NPHP4: variants seen among roughly 807,000 people sequenced by gnomAD.
NPHP4 encodes the protein nephrocystin 4.
A neutral mutation model predicts 155.8 loss-of-function variants in NPHP4; 151 were observed. The observed-to-expected ratio is 0.97, with a 90% CI of 0.85 to 1.11. NPHP4 has a LOEUF of 1.11. Ranked by LOEUF, NPHP4 falls within the 50% of genes least tolerant of loss-of-function variation. NPHP4 has a pLI of 0.00. For missense variants in NPHP4, 1,956 were observed against 1,925.7 expected (o/e 1.02, Z -0.29); for synonymous variants, 845 against 816.8 (o/e 1.03, Z -0.59).
intron 5 of NPHP4, among the ~76,000 whole-genome samples, chr1:5,964,920 T>TATATATATATATATA: frequency 1.6e-5 from 1 of 63,530 alleles, no homozygotes; most frequent in Non-Finnish European, 2.8e-5. Flanking sequence ...ATATATATTA[T>TATATATATATATATA]ATATATATAT....
chr1:5,948,270 G>C lies in NPHP4; in HGVS notation c.811-19C>G. ...CACATCCCTGGAAGAGGCACAGAAG[G>C]AATGAGCCCCGGCACAGACGGAAAG... is the stretch of plus-strand genomic sequence containing the variant. On this transcript the variant is annotated intron_variant, in intron 7 of 29. Coordinates refer to ENST00000378156, the MANE Select transcript of NPHP4 (RefSeq NM_015102.5). 1 of 1,532,664 alleles carries C rather than the reference G, an allele frequency of 6.5e-7. No individual in the cohort carries two copies. The highest frequency in any genetic ancestry group is 2.0e-5 in the Admixed American group (1 of 50,550). The allele number at this position is 1,532,664 out of a possible 1,614,324, so 94.9% of individuals were successfully genotyped here.
chr1:5,887,466 G>A lies in NPHP4; in HGVS notation c.2305C>T (p.His769Tyr). Residue 769 changes from histidine (H) to tyrosine (Y), a missense_variant and splice_region_variant, in exon 18 of 30, where the codon CAT becomes TAT. His to Tyr is a moderately conservative substitution (Grantham distance 83, BLOSUM62 2). Transcript: ENST00000378156. ...LIGSAAVQMK[H>Y]LLRQGRPAVQ... ...GCCGGCCGGCCTTGGCGGAGGAGAT[G>A]CTGCAGAAGAGAAAAGCGCGTTCAG... 6.2e-7 allele frequency: 1 copy of A among 1,612,918 alleles called. No individual in the cohort carries two copies. Among genetic ancestry groups the A allele is most frequent in the East Asian group, 2.2e-5 (1 of 44,872 alleles).
At chr1:5,942,583 A>T (rs34466411) in intron 9 of NPHP4, among the ~76,000 whole-genome samples, 13,386 of 117,536 alleles carry the variant, frequency 0.11, 999 homozygotes, top group Non-Finnish European at 0.16. Context: ...AAAATCATAA[A>T]TGACAAAAAA....
At position 5,882,692 on chromosome 1, in the gene NPHP4, G is replaced by A. The variant is rs987086010; in HGVS notation, c.2486-2453C>T. On this transcript the variant is annotated intron_variant, in intron 18 of 29. Transcript: ENST00000378156. This position sits in a 1 kb window ranked among gnomAD's most constrained non-coding sequence, Gnocchi z 5.1. ...TCCTGGGAACGAGCACCTAGAACAA[G>A]GGCTATTTCGGTCCTCTCCCTGTTG... is the stretch of plus-strand genomic sequence containing the variant. 5 of 152,668 alleles carry A rather than the reference G, an allele frequency of 3.3e-5. No individual in the cohort carries two copies. Among genetic ancestry groups the A allele is most frequent in the African/African-American group, 1.2e-4 (5 of 41,458 alleles). 9.5% of individuals were successfully genotyped at this position (152,668 alleles called of 1,614,324 possible).
chr1:5,875,050 G>A lies in NPHP4; in HGVS notation c.2868C>T (p.Ala956=), dbSNP rs138025088. 1,620 of 1,608,364 alleles carry A rather than the reference G, an allele frequency of 1.0e-3. 26 individuals carry two copies. The East Asian group carries it at 0.031, about 31-fold the overall frequency. ...TQHLRDLQVI[A]AYRERTKAES... ...CGGCCTTCGTGCGTTCCCGGTAGGC[G>A]GCGATGACCTGTAGGTCCCGCAAGT... The change falls in exon 21 of 30, where the codon GCC becomes GCT. Residue 956 remains alanine (A), a synonymous_variant. Coordinates refer to ENST00000378156, the MANE Select transcript of NPHP4 (RefSeq NM_015102.5).
At chr1:5,988,638 G>A (rs1477025772) in intron 1 of NPHP4, among the ~76,000 whole-genome samples, 1 of 152,206 alleles carries the variant, frequency 6.6e-6, no homozygotes, top group Non-Finnish European at 1.5e-5. Flanking sequence ...AGGGTAAAGG[G>A]ATCTGAGACC....
rs746442303 is a variant in NPHP4 at position 5,905,674 on chromosome 1, G to A, written c.1721C>T (p.Thr574Met). ...CACAACAATAGGGGCATGCAAAGGC[G>A]TGAACGGCAGCTCCTGTAACTGTTC... ...IAEQLQELPF[T>M]PLHAPIVVGT... Residue 574 changes from threonine (T) to methionine (M), a missense_variant, in exon 14 of 30, where the codon ACG (threonine) becomes ATG (methionine). Thr to Met is a moderately conservative substitution (Grantham distance 81). Transcript: ENST00000378156. This position sits in a 1 kb window ranked among gnomAD's most constrained non-coding sequence, Gnocchi z 4.0. The A allele has an allele frequency of 4.8e-5, 78 of 1,613,816 alleles. No individual in the cohort carries two copies. Among genetic ancestry groups the A allele is most frequent in the South Asian group, 1.8e-4 (16 of 91,044 alleles).
rs761322774 is a variant in NPHP4 at position 5,863,941 on chromosome 1, G to C, written c.4089C>G (p.His1363Gln). 1 of 1,613,760 alleles carries C rather than the reference G, an allele frequency of 6.2e-7. No individual in the cohort carries two copies. Among genetic ancestry groups the C allele is most frequent in the African/African-American group, 1.3e-5 (1 of 74,902 alleles). Residue 1363 changes from histidine (H) to glutamine (Q), a missense_variant, in exon 29 of 30, where the codon CAC becomes CAG. His to Gln is a conservative substitution (Grantham distance 24). Coordinates refer to ENST00000378156, the MANE Select transcript of NPHP4 (RefSeq NM_015102.5). Reference sequence around the variant, plus strand: ...GCAGCTCCGGGTGGTCGCTGTGCAGGTGGAATGTCCTCCGGGAGGGGTAGG... The same window carrying C: ...GCAGCTCCGGGTGGTCGCTGTGCAGCTGGAATGTCCTCCGGGAGGGGTAGG... Reference protein sequence around the residue: ...TNPYPSRRTFHLHSDHPELLR... With the variant: ...TNPYPSRRTFQLHSDHPELLR...
chr1:5,862,925 CA>C lies in NPHP4; in HGVS notation c.*339del, dbSNP rs566495340. ...TTTGTACAAAATCCAGTAAGAAAAA[CA>C]TAATTTTCTCATTTAGGATGATTCA... On this transcript the variant is annotated 3_prime_UTR_variant, in exon 30 of 30. Coordinates refer to ENST00000378156, the MANE Select transcript of NPHP4 (RefSeq NM_015102.5). The C allele has an allele frequency of 6.6e-4, 197 of 298,152 alleles. No homozygotes were observed. Among genetic ancestry groups the C allele is most frequent in the Non-Finnish European group, 1.0e-3 (164 of 156,580 alleles). 18.5% of individuals were successfully genotyped at this position (298,152 alleles called of 1,614,324 possible). A position where few individuals can be genotyped will look rare whatever the true frequency, so the allele number is the denominator to read the frequency against.
chr1:5,964,393 C>T (rs1274077561), intron 5 of NPHP4, among the ~76,000 whole-genome samples: 1 of 152,154 alleles, frequency 6.6e-6, no homozygotes, highest in Non-Finnish European at 1.5e-5. Flanking sequence ...GACCAAATAC[C>T]AGAGAGAGAT....
Position 5,863,354 on chromosome 1 carries a change from T to C in NPHP4, c.4192A>G (p.Arg1398Gly). The C allele has an allele frequency of 6.2e-7, 1 of 1,614,022 alleles. No individual in the cohort carries two copies. Among genetic ancestry groups the C allele is most frequent in the South Asian group, 1.1e-5 (1 of 91,080 alleles). ...TIGLQFAPSQ[R>G]VGEEEILIYI... The stretch of plus-strand genomic sequence containing the variant: ...ATCAGGATCTCCTCCTCACCCACTC[T>C]CTGACTAGGCGCAAACTGCAAGCCG... Residue 1398 changes from arginine to glycine, a missense_variant, in exon 30 of 30, where the codon AGA becomes GGA. Arg to Gly is a moderately radical substitution (Grantham distance 125, BLOSUM62 -2). Transcript: ENST00000378156.
chr1:5,873,670 G>C (rs1642240437), intron 22 of NPHP4: 1 of 415,758 alleles, frequency 2.4e-6, no homozygotes, highest in Non-Finnish European at 4.3e-6. Flanking sequence ...CTTAAGCGAT[G>C]ACCACCACCC....
At chr1:5,973,197 C>CTTTT (rs1017487682) in intron 3 of NPHP4, among the ~76,000 whole-genome samples, 3 of 152,208 alleles carry the variant, frequency 2.0e-5, no homozygotes, top group Admixed American at 6.5e-5. Flanking sequence ...AATTTGTAGT[C>CTTTT]TTTTATCCCT....
intron 22 of NPHP4, chr1:5,873,900 T>C (rs1404511616): frequency 1.4e-5 from 3 of 207,526 alleles, no homozygotes; most frequent in Non-Finnish European, 2.9e-5. Context: ...CACAGACCCC[T>C]ACACGCACAA....
chr1:5,991,985 G>A (rs910521601), intron 1 of NPHP4, among the ~76,000 whole-genome samples: 4 of 149,712 alleles, frequency 2.7e-5, no homozygotes, highest in Non-Finnish European at 5.9e-5. Context: ...AGGAACCCAC[G>A]TAGCCAAACG....
At chr1:5,972,212 G>A (rs1448713520) in intron 3 of NPHP4, among the ~76,000 whole-genome samples, 5 of 152,252 alleles carry the variant, frequency 3.3e-5, no homozygotes, top group African/African-American at 1.2e-4. Context: ...CCAAAGAACT[G>A]TTTTAATAAG....
chr1:5,894,125 T>C (rs1644277649), intron 16 of NPHP4, among the ~76,000 whole-genome samples: 1 of 152,270 alleles, frequency 6.6e-6, no homozygotes, highest in African/African-American at 2.4e-5. Context: ...GAACAGCTCA[T>C]GTCCTCGTTC....
At chr1:5,880,013 ACAC>A (rs1643097810) in intron 19 of NPHP4, 98 bp downstream of exon 19, 1 of 1,348,606 alleles carries the variant, frequency 7.4e-7, no homozygotes, top group Non-Finnish European at 1.0e-6. Flanking sequence ...GCACACACAC[ACAC>A]ATGCACACAC....
chr1:5,948,733 A>T (rs552359214), intron 7 of NPHP4, among the ~76,000 whole-genome samples: 1 of 152,138 alleles, frequency 6.6e-6, no homozygotes, highest in East Asian at 1.9e-4. Context: ...AGCTCATCAC[A>T]TTTCAACTCT....
Sources: allele counts gnomAD v4.1 joint callset (sites outside exome capture counted in the v4.1 genomes callset), GRCh38; gene constraint gnomAD v4.1.1; non-coding constraint Gnocchi (gnomAD v3.1); transcripts MANE v1.5; gene names NCBI Gene and HGNC (gene_info 2026-07-23, HGNC 2026-07-21).